The following EPB41L2 variants were observed in gnomAD, a reference collection of about 807,000 sequenced individuals.
EPB41L2 encodes band 4.1-like protein 2.
Under a neutral mutation model 113.0 loss-of-function variants are expected in EPB41L2, and 43 were observed. The ratio of observed to expected loss-of-function variants is 0.38; its 90% CI spans 0.30 to 0.49. EPB41L2 has a LOEUF of 0.49. Ranked by LOEUF, EPB41L2 falls within the 20% of genes least tolerant of loss-of-function variation. The pLI is 0.95. For missense variants in EPB41L2, 1,147 were observed against 1,223.4 expected, an observed-to-expected ratio of 0.94 and a Z score of 0.93; for synonymous variants, 442 against 436.7, an observed-to-expected ratio of 1.01 and a Z score of -0.15.
intron 1 of EPB41L2, among the ~76,000 whole-genome samples, chr6:131,052,975 A>C (rs1796861986): frequency 6.6e-6 from 1 of 152,100 alleles, no homozygotes; most frequent in East Asian, 1.9e-4. Flanking sequence ...GGCTCACTGA[A>C]ACTTCCACCT....
intron 11 of EPB41L2, 54 bp downstream of exon 11, chr6:130,890,240 T>G: frequency 6.5e-7 from 1 of 1,541,218 alleles, no homozygotes; most frequent in Non-Finnish European, 8.8e-7. Flanking sequence ...TTTTCTGACC[T>G]CATGGGATTA....
At chr6:130,980,267 GTAA>G (rs1229032755) in intron 1 of EPB41L2, among the ~76,000 whole-genome samples, 1 of 152,104 alleles carries the variant, frequency 6.6e-6, no homozygotes, top group African/African-American at 2.4e-5. Context: ...GAAAAGGCAA[GTAA>G]TAACTACAAA....
intron 1 of EPB41L2, among the ~76,000 whole-genome samples, chr6:130,967,206 T>C (rs1775466162): frequency 6.6e-6 from 1 of 152,152 alleles, no homozygotes; most frequent in Non-Finnish European, 1.5e-5. Flanking sequence ...GCCATCTATA[T>C]CCAAGTTTAG....
In EPB41L2 at chr6:130,900,945, T is replaced by A. The variant is rs774436492; in HGVS notation, c.1148+17A>T. On this transcript the variant is annotated intron_variant, in intron 7 of 19. Transcript: ENST00000337057. ...AATCTCCCATGGCCATTCTCTCCAG[T>A]AAGCAAGGCAACAGACCTGTGGGTT... 5 of 1,613,006 alleles carry A rather than the reference T, an allele frequency of 3.1e-6. No homozygotes were observed. Among genetic ancestry groups the A allele is most frequent in the Non-Finnish European group, 4.2e-6 (5 of 1,178,974 alleles).
In EPB41L2 at chr6:130,915,445, T is replaced by C. The variant is rs145366689; in HGVS notation, c.811-6582A>G. On this transcript the variant is annotated intron_variant, in intron 4 of 19. Transcript: ENST00000337057. ...TTAGCATCACTGTCAATTAGGAACA[T>C]AGCAGAAAAAAACCTGGTTAATATC... Among the ~76,000 whole-genome samples, 1,213 of 152,304 alleles carry C rather than the reference T, an allele frequency of 8.0e-3. 14 individuals are homozygous for C. Among genetic ancestry groups the C allele is most frequent in the African/African-American group, 0.027 (1,142 of 41,560 alleles).
chr6:130,917,342 A>G (rs1436073803), intron 4 of EPB41L2, among the ~76,000 whole-genome samples: 3 of 152,058 alleles, frequency 2.0e-5, no homozygotes, highest in Non-Finnish European at 4.4e-5. Flanking sequence ...TTCTGTGTCC[A>G]TCTACACACC....
intron 13 of EPB41L2, 27 bp from the exon 14 acceptor site, chr6:130,878,277 G>T: frequency 3.2e-6 from 5 of 1,562,434 alleles, no homozygotes; most frequent in Non-Finnish European, 4.3e-6. Flanking sequence ...TAACAAAGGG[G>T]GGAAAAATCC....
chr6:130,865,406 A>G, intron 17 of EPB41L2, 130 bp downstream of exon 17: 1 of 886,550 alleles, frequency 1.1e-6, no homozygotes. Flanking sequence ...ACTTTAAACC[A>G]AGGCATTTTG....
At chr6:130,863,279 G>A (rs1185901066) in intron 18 of EPB41L2, among the ~76,000 whole-genome samples, 2 of 152,208 alleles carry the variant, frequency 1.3e-5, no homozygotes, top group African/African-American at 2.4e-5. Flanking sequence ...GTCAAGCTTA[G>A]TGGCTTTCTT....
intron 1 of EPB41L2, among the ~76,000 whole-genome samples, chr6:130,991,544 T>C (rs1366332186): frequency 6.6e-6 from 1 of 152,252 alleles, no homozygotes; most frequent in Non-Finnish European, 1.5e-5. Flanking sequence ...ATTTTGTTCC[T>C]TCACACTCAA....
In EPB41L2 at chr6:130,867,589, G is replaced by A. The variant is rs1381400424; in HGVS notation, c.2608-8C>T. ...TGTTTTTACCACTGGTGGCTGAGGT[G>A]GAAAAGGAAGGGAAAAATAAATTCT... On this transcript the variant is annotated splice_region_variant and splice_polypyrimidine_tract_variant and intron_variant, in intron 15 of 19. Transcript: ENST00000337057. 5 of 1,613,292 alleles carry A rather than the reference G, an allele frequency of 3.1e-6. No individual in the cohort carries two copies. The highest frequency in any genetic ancestry group is 2.2e-5 in the South Asian group (2 of 91,058).
At chr6:130,844,872 A>G (rs891771823) in intron 19 of EPB41L2, among the ~76,000 whole-genome samples, 2 of 151,884 alleles carry the variant, frequency 1.3e-5, no homozygotes, top group South Asian at 4.2e-4. Context: ...GCGAAACCCA[A>G]TCTCTACTAA....
At chr6:130,873,076 T>TC (rs1278787977) in intron 14 of EPB41L2, among the ~76,000 whole-genome samples, 1 of 152,078 alleles carries the variant, frequency 6.6e-6, no homozygotes. Context: ...ACAATCTCCC[T>TC]CCTCAATACC....
At chr6:130,993,228 C>T (rs1350080205) in intron 1 of EPB41L2, among the ~76,000 whole-genome samples, 4 of 151,992 alleles carry the variant, frequency 2.6e-5, no homozygotes, top group African/African-American at 9.7e-5. Flanking sequence ...CAGGTGTTAC[C>T]GCACAGAGAG....
chr6:130,842,596 T>A (rs1391706670), intron 19 of EPB41L2, among the ~76,000 whole-genome samples: 2 of 152,188 alleles, frequency 1.3e-5, no homozygotes, highest in African/African-American at 4.8e-5. Flanking sequence ...AGAACAATGT[T>A]TAGGATTCTA....
At chr6:130,950,130 A>T (rs1329845518) in intron 3 of EPB41L2, among the ~76,000 whole-genome samples, 2 of 152,322 alleles carry the variant, frequency 1.3e-5, no homozygotes, top group East Asian at 3.9e-4. Context: ...TCAAATTTGT[A>T]CAATCAATCA....
chr6:131,021,837 G>T (rs928120650), intron 1 of EPB41L2, among the ~76,000 whole-genome samples: 1 of 152,240 alleles, frequency 6.6e-6, no homozygotes, highest in East Asian at 1.9e-4. Context: ...GACGAACCCA[G>T]ACAGTCAAGC....
chr6:130,847,646 C>G (rs545625366), intron 19 of EPB41L2, among the ~76,000 whole-genome samples: 12 of 152,196 alleles, frequency 7.9e-5, no homozygotes, highest in Non-Finnish European at 1.6e-4. Flanking sequence ...GTTCATTTTT[C>G]TGTTCTCTTT....
intron 1 of EPB41L2, among the ~76,000 whole-genome samples, chr6:131,042,912 G>C (rs1794722763): frequency 6.6e-6 from 1 of 152,190 alleles, no homozygotes; most frequent in South Asian, 2.1e-4. Context: ...TGTGGTGTTT[G>C]CAGAGGATTA....
Sources: allele counts gnomAD v4.1 joint callset (sites outside exome capture counted in the v4.1 genomes callset), GRCh38; gene constraint gnomAD v4.1.1; transcripts MANE v1.5; gene names NCBI Gene and HGNC (gene_info 2026-07-23, HGNC 2026-07-21).